CEP164: variants seen among roughly 807,000 people sequenced by gnomAD.
The protein encoded by CEP164 is centrosomal protein 164, also known as centrosomal protein of 164 kDa.
A neutral mutation model predicts 182.7 loss-of-function variants in CEP164; 162 were observed. The ratio of observed to expected loss-of-function variants is 0.89; its 90% confidence interval spans 0.78 to 1.01. The LOEUF (loss-of-function observed/expected upper bound fraction) is 1.01. CEP164 is among the 50% of genes least tolerant of loss of function. The probability of loss-of-function intolerance (pLI) is 0.00; values close to 1 mark genes in which losing one functional copy is unlikely to be tolerated. For synonymous variants in CEP164, 661 were observed against 690.0 expected (o/e 0.96, Z 0.66); for missense variants, 1,735 against 1,790.4 (o/e 0.97, Z 0.56).
intron 7 of CEP164, among the ~76,000 whole-genome samples, chr11:117,363,175 C>G (rs574519614): frequency 6.6e-6 from 1 of 152,174 alleles, no homozygotes; most frequent in African/African-American, 2.4e-5. Context: ...TCTATTATGT[C>G]TTCTAGATCT....
chr11:117,338,859 C>T (rs1339512922), intron 3 of CEP164, among the ~76,000 whole-genome samples, 191 bp downstream of exon 3: 1 of 152,034 alleles, frequency 6.6e-6, no homozygotes, highest in Non-Finnish European at 1.5e-5. Context: ...TTTCTGTTGC[C>T]CAGGCTGGAG....
Position 117,395,171 on chromosome 11 carries a change from C to A in CEP164, c.2893C>A (p.Gln965Lys). The A allele has an allele frequency of 1.2e-6, 2 of 1,613,976 alleles. No homozygotes were observed. Among genetic ancestry groups the A allele is most frequent in the Non-Finnish European group, 1.7e-6 (2 of 1,179,996 alleles). ...GCAGCAGCTGCTTGATGTGCAGAGG[C>A]AGGTTGCTCTGAAGAGTGAGGTTTG... ...EKQQLLDVQR[Q>K]VALKSEEATA... is the part of the protein sequence containing the mutation. Residue 965 changes from glutamine (Q) to lysine (K), a missense_variant, in exon 23 of 33, where the codon CAG becomes AAG. Gln to Lys is a moderately conservative substitution (Grantham distance 53). Transcript: ENST00000278935.
Position 117,351,798 on chromosome 11 carries a change from T to G in CEP164, c.203T>G (p.Ile68Ser), listed in dbSNP as rs747800943. The G allele has an allele frequency of 1.2e-6, 2 of 1,613,664 alleles. No homozygotes were observed. Among genetic ancestry groups the G allele is most frequent in the South Asian group, 2.2e-5 (2 of 91,044 alleles). Residue 68 changes from isoleucine (I) to serine (S), a missense_variant, in exon 5 of 33, where the codon ATC becomes AGC. Ile to Ser is a moderately radical substitution (Grantham distance 142). Transcript: ENST00000278935. Reference sequence around the variant, plus strand: ...ACTCTGCCCATCCCCAGCCAGGACATCACAGGTGACATTTACTATTTCAAC... The same window carrying G: ...ACTCTGCCCATCCCCAGCCAGGACAGCACAGGTGACATTTACTATTTCAAC... ...LPGEWKPCQD[I>S]TGDIYYFNFA...
intron 1 of CEP164, among the ~76,000 whole-genome samples, chr11:117,330,761 G>A (rs1480269836): frequency 6.6e-6 from 1 of 152,190 alleles, no homozygotes; most frequent in East Asian, 1.9e-4. Context: ...TTTTAAATAG[G>A]TGAATAGCAG....
upstream of CEP164, among the ~76,000 whole-genome samples, chr11:117,327,507 G>T (rs571999111): frequency 7.2e-6 from 1 of 139,216 alleles, no homozygotes; most frequent in Admixed American, 7.6e-5. Flanking sequence ...TCACCATGTT[G>T]GTCAGGCTGG....
At chr11:117,336,724 G>C in intron 2 of CEP164, 1 of 685,540 alleles carries the variant, frequency 1.5e-6, no homozygotes, top group Non-Finnish European at 2.6e-6. Context: ...CTTTCTGCTT[G>C]AAGAGGGCCG....
At chr11:117,357,821 C>T (rs1221580747) in intron 5 of CEP164, among the ~76,000 whole-genome samples, 1 of 152,204 alleles carries the variant, frequency 6.6e-6, no homozygotes, top group Non-Finnish European at 1.5e-5. Context: ...CAGAAAACCA[C>T]ATGGATAACC....
intron 27 of CEP164, among the ~76,000 whole-genome samples, chr11:117,405,463 C>T (rs754940688): frequency 1.3e-5 from 2 of 152,118 alleles, no homozygotes; most frequent in African/African-American, 2.4e-5. Flanking sequence ...TGTTTTGGCT[C>T]GCCCTCCATC....
At chr11:117,322,252 A>G (rs2035270038) in intron 1 of CEP164, among the ~76,000 whole-genome samples, 1 of 152,016 alleles carries the variant, frequency 6.6e-6, no homozygotes. Flanking sequence ...AGTAGCTGGG[A>G]CTACAGGCGT....
intron 5 of CEP164, 94 bp from the exon 6 acceptor site, chr11:117,361,741 G>A (rs2041001890): frequency 1.6e-5 from 21 of 1,319,546 alleles, no homozygotes; most frequent in Non-Finnish European, 2.3e-5. Context: ...ATTTGAGCGT[G>A]CAGGATTTAG....
intron 11 of CEP164, among the ~76,000 whole-genome samples, chr11:117,378,402 G>T (rs182647857): frequency 1.3e-5 from 2 of 152,204 alleles, no homozygotes; most frequent in East Asian, 3.9e-4. Context: ...TACCTAAACT[G>T]CATGGTGATG....
At position 117,363,467 on chromosome 11, in the gene CEP164, C is replaced by G; in HGVS notation, c.726C>G (p.His242Gln). The G allele has an allele frequency of 1.2e-6, 2 of 1,614,080 alleles. No individual in the cohort carries two copies. ...CAAGTGAGCCTCTTAGGAACCTACACCTGGACATTGGGGCACTGGGGGGTG... is the reference window on the plus strand; with the variant it reads ...CAAGTGAGCCTCTTAGGAACCTACAGCTGGACATTGGGGCACTGGGGGGTG... ...HSSSEPLRNL[H>Q]LDIGALGGDF... Residue 242 changes from histidine to glutamine, a missense_variant, in exon 8 of 33, where the codon CAC (histidine) becomes CAG (glutamine). By Grantham distance (24) the His-to-Gln change is conservative. Coordinates refer to ENST00000278935, the MANE Select transcript of CEP164 (RefSeq NM_014956.5).
chr11:117,362,370 G>C, intron 6 of CEP164, 34 bp from the exon 7 acceptor site: 2 of 1,598,086 alleles, frequency 1.3e-6, no homozygotes, highest in Non-Finnish European at 1.7e-6. Flanking sequence ...GGTCTTCCAA[G>C]TGAGTCCTTT....
chr11:117,324,143 T>C (rs1435644623), upstream of CEP164: 5 of 169,220 alleles, frequency 3.0e-5, no homozygotes, highest in Non-Finnish European at 6.4e-5. Context: ...GGTATATTAC[T>C]GGTATATCAT....
intron 8 of CEP164, among the ~76,000 whole-genome samples, chr11:117,369,961 C>A (rs553875805): frequency 6.6e-6 from 1 of 152,338 alleles, no homozygotes; most frequent in South Asian, 2.1e-4. Flanking sequence ...ACCTTTCTAT[C>A]CACCCTGCTT....
chr11:117,336,147 C>T (rs1679404638), intron 2 of CEP164: 8 of 1,568,042 alleles, frequency 5.1e-6, no homozygotes, highest in Non-Finnish European at 6.9e-6. Context: ...GCTTCTGAAG[C>T]TTGATGGGAG....
intron 14 of CEP164, among the ~76,000 whole-genome samples, chr11:117,383,915 A>T (rs927879687): frequency 1.3e-5 from 2 of 152,202 alleles, no homozygotes; most frequent in East Asian, 1.9e-4. Flanking sequence ...AGGTGCCTAT[A>T]ATCCCAGCTA....
intron 10 of CEP164, among the ~76,000 whole-genome samples, chr11:117,375,175 C>T (rs1230078587): frequency 1.3e-5 from 2 of 152,232 alleles, no homozygotes; most frequent in Non-Finnish European, 2.9e-5. Flanking sequence ...CATCTCTTCT[C>T]ATGCCTGGTT....
chr11:117,372,572 C>A (rs1238257928), intron 9 of CEP164, among the ~76,000 whole-genome samples: 1 of 152,100 alleles, frequency 6.6e-6, no homozygotes, highest in Non-Finnish European at 1.5e-5. Flanking sequence ...TGCGCCACCA[C>A]ACCCAGCTAA....
Sources: gnomAD v4.1 joint callset for allele counts (sites outside exome capture counted in the v4.1 genomes callset) on GRCh38, gnomAD v4.1.1 for gene constraint, MANE v1.5 for transcripts, NCBI Gene and HGNC (gene_info 2026-07-23, HGNC 2026-07-21) for gene names.